Variants in HTR7 observed in about 807,000 individuals in gnomAD.
The protein encoded by HTR7 is 5-hydroxytryptamine receptor 7, also known as 5-HT-7.
Under a neutral mutation model 34.0 loss-of-function variants are expected in HTR7, and 16 were observed. The observed-to-expected ratio is 0.47, with a 90% CI of 0.32 to 0.71. HTR7 has a LOEUF of 0.71. Ranked by LOEUF, HTR7 falls within the 30% of genes least tolerant of loss-of-function variation. HTR7 has a pLI of 0.04. For missense variants in HTR7, 504 were observed against 625.5 expected (o/e 0.81, Z 2.07); for synonymous variants, 265 against 260.2 (o/e 1.02, Z -0.18).
intron 1 of HTR7, among the ~76,000 whole-genome samples, chr10:90,800,754 T>G (rs1181121782): frequency 6.6e-6 from 1 of 152,188 alleles, no homozygotes; most frequent in South Asian, 2.1e-4. Context: ...CCCTTTCCCC[T>G]TTATAAGGAA....
At chr10:90,766,184 A>G (rs994224302) in intron 1 of HTR7, among the ~76,000 whole-genome samples, 1 of 152,158 alleles carries the variant, frequency 6.6e-6, no homozygotes, top group Non-Finnish European at 1.5e-5. Context: ...TATTTGCTTT[A>G]TATACTTAGG....
At chr10:90,763,997 TG>T (rs1015380647) in intron 1 of HTR7, among the ~76,000 whole-genome samples, 2 of 152,182 alleles carry the variant, frequency 1.3e-5, no homozygotes, top group African/African-American at 4.8e-5. Context: ...CTGGGTCAAA[TG>T]GTATTTCTGC....
chr10:90,743,336 C>T (rs912788547), intron 3 of HTR7, among the ~76,000 whole-genome samples: 2 of 152,172 alleles, frequency 1.3e-5, no homozygotes, highest in Admixed American at 1.3e-4. Flanking sequence ...TTCCCCTCAG[C>T]CTCACACAAT....
At chr10:90,842,774 C>T (rs1417148737) in intron 1 of HTR7, among the ~76,000 whole-genome samples, 2 of 151,700 alleles carry the variant, frequency 1.3e-5, no homozygotes, top group African/African-American at 4.8e-5. Context: ...TCTCACACTG[C>T]TCCATAGCAC....
At chr10:90,838,954 G>A (rs756734212) in intron 1 of HTR7, among the ~76,000 whole-genome samples, 22 of 152,120 alleles carry the variant, frequency 1.4e-4, no homozygotes, top group Non-Finnish European at 2.2e-4. Context: ...ATTCTTACTA[G>A]AATATAAGAT....
chr10:90,784,744 A>G lies in HTR7; in HGVS notation c.540-35150T>C, dbSNP rs1307511054. Among the ~76,000 whole-genome samples, 7 of 152,324 alleles carry G rather than the reference A, an allele frequency of 4.6e-5. 1 individual carries two copies. The highest frequency in any genetic ancestry group is 1.7e-4 in the African/African-American group (7 of 41,580). ...CCTATGTGGAGCCAACACACTCTCT[A>G]AGACAGGCAGTCGGGAGAAAGCCTA... On this transcript the variant is annotated intron_variant, in intron 1 of 3. Coordinates refer to ENST00000336152, the MANE Select transcript of HTR7 (RefSeq NM_019859.4).
At chr10:90,760,904 C>T (rs1011820269) in intron 1 of HTR7, among the ~76,000 whole-genome samples, 11 of 151,960 alleles carry the variant, frequency 7.2e-5, no homozygotes, top group Admixed American at 2.6e-4. Context: ...AAAATAAACA[C>T]GTACCCTATA....
chr10:90,821,119 AACACACACACACATGC>A (rs1845971860), intron 1 of HTR7, among the ~76,000 whole-genome samples: 1 of 124,032 alleles, frequency 8.1e-6, no homozygotes, highest in East Asian at 2.4e-4. Flanking sequence ...CACTCACACA[AACACACACACACATGC>A]ACACACACAC....
At chr10:90,826,282 A>AAG (rs1846072060) in intron 1 of HTR7, among the ~76,000 whole-genome samples, 1 of 152,166 alleles carries the variant, frequency 6.6e-6, no homozygotes. Context: ...AGGAGAAATA[A>AAG]AGACTTGCCC....
chr10:90,766,826 A>G (rs1038590975), intron 1 of HTR7, among the ~76,000 whole-genome samples: 4 of 152,096 alleles, frequency 2.6e-5, no homozygotes, highest in African/African-American at 9.7e-5. Context: ...ATCTCTTCAA[A>G]CCTTTATAGG....
At chr10:90,768,345 T>C (rs78860978) in intron 1 of HTR7, among the ~76,000 whole-genome samples, 2,789 of 152,338 alleles carry the variant, frequency 0.018, 97 homozygotes, top group African/African-American at 0.064. Flanking sequence ...CTTTTAATGT[T>C]ATTTATTTCA....
intron 1 of HTR7, among the ~76,000 whole-genome samples, chr10:90,831,421 G>A (rs1454405519): frequency 6.6e-6 from 1 of 151,990 alleles, no homozygotes; most frequent in South Asian, 2.1e-4. Flanking sequence ...CGGTGGGTTC[G>A]TGGTCTCGGT....
chr10:90,803,709 T>C (rs1369738942), intron 1 of HTR7, among the ~76,000 whole-genome samples: 2 of 152,200 alleles, frequency 1.3e-5, no homozygotes, highest in Non-Finnish European at 2.9e-5. Context: ...TATCCTGCCC[T>C]GGTCATGTCT....
chr10:90,841,449 G>T (rs932721548), intron 1 of HTR7, among the ~76,000 whole-genome samples: 1 of 152,152 alleles, frequency 6.6e-6, no homozygotes. Flanking sequence ...TACAGGCTGT[G>T]TTCCTTTCTG....
intron 1 of HTR7, among the ~76,000 whole-genome samples, chr10:90,844,521 C>T (rs898786432): frequency 6.6e-6 from 1 of 151,176 alleles, no homozygotes; most frequent in African/African-American, 2.4e-5. Context: ...GTCAGGAGAT[C>T]GAGACCATCC....
At chr10:90,757,946 G>A (rs1844861356) in intron 1 of HTR7, among the ~76,000 whole-genome samples, 1 of 152,246 alleles carries the variant, frequency 6.6e-6, no homozygotes, top group African/African-American at 2.4e-5. Flanking sequence ...TGTTAAAACA[G>A]CAGAATGAGA....
At chr10:90,743,528 T>C (rs1412668545) in intron 3 of HTR7, 65 bp downstream of exon 3, 3 of 1,283,174 alleles carry the variant, frequency 2.3e-6, no homozygotes, top group African/African-American at 1.5e-5. Context: ...GCTCACATAG[T>C]TCATGTTCTG....
intron 1 of HTR7, among the ~76,000 whole-genome samples, chr10:90,845,789 C>G (rs1480344849): frequency 6.6e-6 from 1 of 152,186 alleles, no homozygotes; most frequent in Non-Finnish European, 1.5e-5. Context: ...CCAAGAAGAC[C>G]ACCGCCTGCA....
chr10:90,754,060 TA>T (rs889307756), intron 1 of HTR7, among the ~76,000 whole-genome samples: 11 of 151,780 alleles, frequency 7.2e-5, no homozygotes, highest in East Asian at 1.9e-4. Flanking sequence ...AGTGAGCATG[TA>T]AAAAAAACAC....
Sources: allele counts gnomAD v4.1 joint callset (sites outside exome capture counted in the v4.1 genomes callset), GRCh38; gene constraint gnomAD v4.1.1; transcripts MANE v1.5; gene names NCBI Gene and HGNC (gene_info 2026-07-23, HGNC 2026-07-21).